The following ADGRL2 variants were observed in gnomAD, a reference collection of about 807,000 sequenced individuals.
The protein encoded by ADGRL2 is adhesion G protein-coupled receptor L2, also known as calcium-independent alpha-latrotoxin receptor 2.
ADGRL2 carries 44 observed loss-of-function variants against 157.4 expected under a neutral mutation model. That is an observed-to-expected ratio of 0.28 (90% confidence interval 0.22 to 0.36). The LOEUF (loss-of-function observed/expected upper bound fraction) is 0.36. Among genes scored for constraint, ADGRL2 ranks in the 10% least tolerant of loss-of-function variants. The pLI, the probability that ADGRL2 is intolerant of heterozygous loss-of-function variation, is 1.00. For synonymous variants in ADGRL2, 585 were observed against 624.7 expected (o/e 0.94, Z 0.95); for missense variants, 1,510 against 1,768.9 (o/e 0.85, Z 2.63).
intron 1 of ADGRL2, among the ~76,000 whole-genome samples, chr1:81,402,886 G>C (rs910205574): frequency 6.6e-6 from 1 of 152,194 alleles, no homozygotes; most frequent in African/African-American, 2.4e-5. Flanking sequence ...AACATCGACT[G>C]TGCAGCTATC....
intron 1 of ADGRL2, among the ~76,000 whole-genome samples, chr1:81,408,675 C>A (rs1219681090): frequency 4.1e-5 from 6 of 148,140 alleles, no homozygotes; most frequent in African/African-American, 1.5e-4. Flanking sequence ...AGGGTGTGCA[C>A]GTTTACAAAC....
At chr1:81,942,835 A>C in intron 5 of ADGRL2, 134 bp from the exon 6 acceptor site, 1 of 726,406 alleles carries the variant, frequency 1.4e-6, no homozygotes, top group Non-Finnish European at 2.5e-6. Flanking sequence ...TAGTATTTGT[A>C]TGAAGTATAC....
chr1:81,570,377 CGTTT>C (rs765155539), intron 2 of ADGRL2, among the ~76,000 whole-genome samples: 32 of 151,894 alleles, frequency 2.1e-4, no homozygotes, highest in East Asian at 1.2e-3. Context: ...ATATTACATT[CGTTT>C]GTTTGTTTGT....
intron 3 of ADGRL2, among the ~76,000 whole-genome samples, chr1:81,626,253 C>T (rs1399410921): frequency 1.3e-5 from 2 of 152,152 alleles, no homozygotes; most frequent in African/African-American, 4.8e-5. Flanking sequence ...AGACAAAGAT[C>T]GTAGTGTAGC....
chr1:81,399,280 G>A (rs182650598), intron 1 of ADGRL2, among the ~76,000 whole-genome samples: 5 of 152,326 alleles, frequency 3.3e-5, no homozygotes, highest in Admixed American at 3.3e-4. Context: ...TTCAACATGA[G>A]ATTTAGGTGG....
rs557183031 is a variant in ADGRL2, at chr1:81,449,756, C to T, written c.-248+4667C>T. Among the ~76,000 whole-genome samples the T allele has an allele frequency of 5.3e-5, 8 of 152,156 alleles. No homozygotes were observed. In the South Asian group the frequency reaches 1.5e-3, roughly 28 times the overall value. ...AGCTGGGACTACAGGCATGTACCAC[C>T]ATTTTTGTATTTTGTGTAGAGACAA... On this transcript the variant is annotated intron_variant, in intron 2 of 24. Coordinates refer to the ADGRL2 transcript ENST00000370721.
intron 2 of ADGRL2, among the ~76,000 whole-genome samples, chr1:81,841,674 C>T (rs1237017347): frequency 2.0e-5 from 3 of 152,040 alleles, no homozygotes; most frequent in Admixed American, 6.6e-5. Context: ...TATATGTGCA[C>T]GCGCATACAC....
At chr1:81,869,859 C>T (rs2093646412) in intron 2 of ADGRL2, among the ~76,000 whole-genome samples, 1 of 151,598 alleles carries the variant, frequency 6.6e-6, no homozygotes, top group South Asian at 2.1e-4. Flanking sequence ...ATTTTGAATT[C>T]CTTTGTATTC....
intron 2 of ADGRL2, among the ~76,000 whole-genome samples, chr1:81,488,020 A>G (rs568183501): frequency 6.6e-6 from 1 of 152,304 alleles, no homozygotes; most frequent in Non-Finnish European, 1.5e-5. Flanking sequence ...CAAAGTGCAG[A>G]CGAAATGGCT....
intron 17 of ADGRL2, among the ~76,000 whole-genome samples, chr1:81,977,872 A>C (rs1372923442): frequency 1.3e-5 from 2 of 151,732 alleles, no homozygotes; most frequent in East Asian, 3.9e-4. Flanking sequence ...TTATCAGGCC[A>C]TTCAAAAACA....
chr1:81,317,927 A>T (rs1352959355), intron 1 of ADGRL2, among the ~76,000 whole-genome samples: 1 of 152,182 alleles, frequency 6.6e-6, no homozygotes, highest in African/African-American at 2.4e-5. Context: ...TAGTTTCAAT[A>T]GGTATACATT....
chr1:81,823,875 G>GA (rs1469662730), intron 1 of ADGRL2, among the ~76,000 whole-genome samples: 1 of 151,978 alleles, frequency 6.6e-6, no homozygotes, highest in Non-Finnish European at 1.5e-5. Context: ...ATTTAAAAAA[G>GA]AAAACCACGA....
intron 2 of ADGRL2, among the ~76,000 whole-genome samples, chr1:81,881,238 C>T (rs894703445): frequency 6.6e-6 from 1 of 152,094 alleles, no homozygotes; most frequent in Non-Finnish European, 1.5e-5. Context: ...TGCAGTGGCG[C>T]GATCTTGGCT....
intron 2 of ADGRL2, among the ~76,000 whole-genome samples, chr1:81,513,487 A>G (rs1274620446): frequency 6.6e-6 from 1 of 152,222 alleles, no homozygotes; most frequent in Non-Finnish European, 1.5e-5. Context: ...TCTGTGAAGT[A>G]AACAGTATAT....
chr1:81,873,267 GT>G (rs1238184430), intron 2 of ADGRL2, among the ~76,000 whole-genome samples: 2 of 152,076 alleles, frequency 1.3e-5, no homozygotes, highest in African/African-American at 4.8e-5. Context: ...CTATTAGAGT[GT>G]TTAAATCTTT....
intron 1 of ADGRL2, among the ~76,000 whole-genome samples, chr1:81,425,830 AC>A (rs1338326467): frequency 6.6e-6 from 1 of 151,954 alleles, no homozygotes; most frequent in Non-Finnish European, 1.5e-5. Context: ...CAACCATATA[AC>A]AAAAGACAGC....
intron 1 of ADGRL2, chr1:81,721,852 C>G (rs2084334262): frequency 4.7e-6 from 4 of 849,968 alleles, no homozygotes; most frequent in Non-Finnish European, 7.9e-6. Flanking sequence ...AAGAAAATAC[C>G]AAGGGGAAAA....
At chr1:81,573,603 G>C (rs898009834) in intron 2 of ADGRL2, among the ~76,000 whole-genome samples, 4 of 152,174 alleles carry the variant, frequency 2.6e-5, no homozygotes, top group African/African-American at 9.7e-5. Context: ...TAAAGAAGCT[G>C]TCCCCTGTTG....
intron 2 of ADGRL2, chr1:81,502,002 C>T (rs535537304): frequency 2.0e-4 from 322 of 1,606,878 alleles, no homozygotes; most frequent in Non-Finnish European, 2.6e-4. Context: ...AGAGTTCCAC[C>T]CACCGCAGCA....
Sources: gnomAD v4.1 joint callset for allele counts (sites outside exome capture counted in the v4.1 genomes callset) on GRCh38, gnomAD v4.1.1 for gene constraint, MANE v1.5 for transcripts, NCBI Gene and HGNC (gene_info 2026-07-23, HGNC 2026-07-21) for gene names.